The following PCDH9 variants were observed in gnomAD, a reference collection of about 807,000 sequenced individuals.
The protein encoded by PCDH9 is protocadherin-9.
PCDH9 carries 24 observed loss-of-function variants against 70.6 expected under a neutral mutation model. The observed-to-expected ratio is 0.34, with a 90% confidence interval of 0.25 to 0.48. The LOEUF is 0.48. PCDH9 is among the 20% of genes least tolerant of loss of function. The pLI is 0.99. For synonymous variants in PCDH9, 562 were observed against 558.5 expected, an observed-to-expected ratio of 1.01 and a Z score of -0.09; for missense variants, 1,281 against 1,503.6, an observed-to-expected ratio of 0.85 and a Z score of 2.45.
intron 4 of PCDH9, among the ~76,000 whole-genome samples, chr13:66,432,498 C>T (rs1335680924): frequency 6.6e-6 from 1 of 151,714 alleles, no homozygotes; most frequent in Non-Finnish European, 1.5e-5. Context: ...ATTTTTGTAA[C>T]AATATGTAAT....
At chr13:66,899,482 C>T (rs980225589) in intron 3 of PCDH9, among the ~76,000 whole-genome samples, 2 of 152,102 alleles carry the variant, frequency 1.3e-5, no homozygotes, top group South Asian at 2.1e-4. Context: ...ATACACTGAA[C>T]ACTAAACCAT....
chr13:67,003,748 C>T (rs539923457), intron 2 of PCDH9, among the ~76,000 whole-genome samples: 1 of 152,298 alleles, frequency 6.6e-6, no homozygotes, highest in South Asian at 2.1e-4. Context: ...ATGTTTTACT[C>T]TCTAGTCTAT....
intron 3 of PCDH9, among the ~76,000 whole-genome samples, chr13:66,883,549 C>T (rs994197243): frequency 1.3e-5 from 2 of 152,208 alleles, no homozygotes; most frequent in South Asian, 4.1e-4. Flanking sequence ...TCCCATTAAA[C>T]ACCCCTTGAA....
intron 2 of PCDH9, among the ~76,000 whole-genome samples, chr13:66,996,769 G>T (rs1016352048): frequency 1.3e-5 from 2 of 152,218 alleles, no homozygotes; most frequent in African/African-American, 4.8e-5. Context: ...TGGCTAGTAA[G>T]TGTCTGGTTT....
intron 2 of PCDH9, among the ~76,000 whole-genome samples, chr13:67,151,307 T>C (rs1165879178): frequency 1.3e-5 from 2 of 152,226 alleles, no homozygotes; most frequent in East Asian, 3.8e-4. Flanking sequence ...AATTGTTTCT[T>C]AACGTTTGTA....
intron 2 of PCDH9, among the ~76,000 whole-genome samples, chr13:67,131,392 C>A (rs77000867): frequency 0.11 from 17,128 of 152,078 alleles, 1,246 homozygotes; most frequent in Middle Eastern, 0.18. Flanking sequence ...AGAAAAAGAA[C>A]AGAATTGATT....
chr13:66,762,723 G>A (rs985660940), intron 3 of PCDH9, among the ~76,000 whole-genome samples: 5 of 151,788 alleles, frequency 3.3e-5, no homozygotes, highest in African/African-American at 9.7e-5. Flanking sequence ...CATCTAACTC[G>A]ACTCAATCCT....
chr13:66,571,583 G>A (rs549785662), intron 4 of PCDH9, among the ~76,000 whole-genome samples: 1 of 151,740 alleles, frequency 6.6e-6, no homozygotes, highest in East Asian at 1.9e-4. Flanking sequence ...CATATCAGTT[G>A]TACTCCAGGC....
intron 4 of PCDH9, among the ~76,000 whole-genome samples, chr13:66,416,442 A>G (rs1286171759): frequency 6.6e-6 from 1 of 152,182 alleles, no homozygotes; most frequent in East Asian, 1.9e-4. Context: ...TCAAGATGTA[A>G]TATTACACCC....
intron 2 of PCDH9, among the ~76,000 whole-genome samples, chr13:66,971,098 G>T (rs1201044382): frequency 2.0e-5 from 3 of 151,998 alleles, no homozygotes; most frequent in African/African-American, 7.2e-5. Context: ...GACAAATTGT[G>T]AGTTTTTAGA....
At chr13:66,527,670 G>T (rs954921109) in intron 4 of PCDH9, among the ~76,000 whole-genome samples, 1 of 152,018 alleles carries the variant, frequency 6.6e-6, no homozygotes, top group African/African-American at 2.4e-5. Flanking sequence ...GGCCCAAAAT[G>T]TGTAAGAAAG....
chr13:67,089,248 C>T (rs1388806020), intron 2 of PCDH9, among the ~76,000 whole-genome samples: 1 of 151,870 alleles, frequency 6.6e-6, no homozygotes, highest in Non-Finnish European at 1.5e-5. Context: ...TTATTATATA[C>T]AAGTGCAGAA....
At chr13:66,931,820 A>T (rs1051255994) in intron 2 of PCDH9, among the ~76,000 whole-genome samples, 4 of 152,102 alleles carry the variant, frequency 2.6e-5, no homozygotes, top group African/African-American at 9.7e-5. Flanking sequence ...TCCAGAAATG[A>T]CAATATGGTT....
intron 3 of PCDH9, among the ~76,000 whole-genome samples, chr13:66,728,723 C>T (rs1052940175): frequency 6.6e-5 from 10 of 152,034 alleles, no homozygotes; most frequent in Non-Finnish European, 1.3e-4. Context: ...CTGTAGTAAT[C>T]CATTACTCTA....
chr13:66,757,395 C>T (rs1006881003), intron 3 of PCDH9, among the ~76,000 whole-genome samples: 1 of 152,072 alleles, frequency 6.6e-6, no homozygotes, highest in Non-Finnish European at 1.5e-5. Context: ...AGGTATCTTG[C>T]TAAGGGCTTA....
intron 2 of PCDH9, among the ~76,000 whole-genome samples, chr13:67,076,874 C>T (rs1051146850): frequency 6.6e-6 from 1 of 152,070 alleles, no homozygotes; most frequent in Non-Finnish European, 1.5e-5. Flanking sequence ...ATTACCATTG[C>T]TACAAACTTT....
intron 3 of PCDH9, among the ~76,000 whole-genome samples, chr13:66,768,438 ACTTC>A (rs1439618919): frequency 3.3e-5 from 5 of 152,072 alleles, no homozygotes; most frequent in Non-Finnish European, 7.4e-5. Context: ...GAGATGGTTT[ACTTC>A]CTTTCTCTTC....
At chr13:66,985,102 C>T (rs2083863600) in intron 2 of PCDH9, among the ~76,000 whole-genome samples, 1 of 152,128 alleles carries the variant, frequency 6.6e-6, no homozygotes, top group Non-Finnish European at 1.5e-5. Flanking sequence ...TTGTACCTCA[C>T]TGGCCTAGCC....
intron 4 of PCDH9, among the ~76,000 whole-genome samples, chr13:66,405,990 A>T (rs184956761): frequency 1.3e-5 from 2 of 152,238 alleles, no homozygotes; most frequent in East Asian, 3.9e-4. Context: ...AGATTATTTT[A>T]ATAGTGGTTG....
Sources: allele counts gnomAD v4.1 joint callset (sites outside exome capture counted in the v4.1 genomes callset), GRCh38; gene constraint gnomAD v4.1.1; transcripts MANE v1.5; gene names NCBI Gene and HGNC (gene_info 2026-07-23, HGNC 2026-07-21).